Variants in KLF12 observed in about 807,000 individuals in gnomAD.
KLF12 encodes the protein KLF transcription factor 12.
Under a neutral mutation model 37.8 loss-of-function variants are expected in KLF12, and 9 were observed. The observed-to-expected ratio is 0.24, with a 90% CI of 0.14 to 0.42. The LOEUF is 0.42. Ranked by LOEUF, KLF12 falls within the 10% of genes least tolerant of loss-of-function variation. The pLI is 1.00. For missense variants in KLF12, 411 were observed against 516.0 expected (o/e 0.80, Z 1.97); for synonymous variants, 208 against 202.1 (o/e 1.03, Z -0.25).
intron 1 of KLF12, among the ~76,000 whole-genome samples, chr13:74,125,236 A>G (rs1877877285): frequency 6.6e-6 from 1 of 152,140 alleles, no homozygotes; most frequent in African/African-American, 2.4e-5. Flanking sequence ...ATACACATAC[A>G]CACTGTTTAT....
chr13:74,169,987 T>A, the KLF12 span, among the ~76,000 whole-genome samples: 21 of 110,974 alleles, frequency 1.9e-4, no homozygotes, highest in African/African-American at 5.6e-4. Context: ...AATATTGCCA[T>A]TTTTTTTTCT....
intron 3 of KLF12, among the ~76,000 whole-genome samples, chr13:73,870,880 T>G (rs1886429986): frequency 6.6e-6 from 1 of 152,182 alleles, no homozygotes; most frequent in Admixed American, 6.6e-5. Context: ...TTCCTTGGAC[T>G]TTTTTTCTGG....
chr13:73,789,919 G>A (rs1002217574), intron 5 of KLF12, among the ~76,000 whole-genome samples: 6 of 151,914 alleles, frequency 3.9e-5, no homozygotes, highest in Non-Finnish European at 5.9e-5. Flanking sequence ...CTTGTGATCC[G>A]CCCACCTCGG....
chr13:73,719,574 A>G (rs184614359), intron 6 of KLF12, among the ~76,000 whole-genome samples: 3 of 151,640 alleles, frequency 2.0e-5, no homozygotes, highest in Admixed American at 2.0e-4. Flanking sequence ...TGGGCACTCA[A>G]TTCCACACTC....
chr13:74,240,200 T>C, the KLF12 span, among the ~76,000 whole-genome samples: 8 of 151,822 alleles, frequency 5.3e-5, no homozygotes, highest in African/African-American at 1.7e-4. Context: ...CCTTCACTTA[T>C]GAAGCTTAGT....
chr13:73,811,790 T>G (rs963505173), intron 5 of KLF12, among the ~76,000 whole-genome samples: 15 of 152,214 alleles, frequency 9.9e-5, no homozygotes, highest in Non-Finnish European at 2.1e-4. Flanking sequence ...TTTTCTCTGA[T>G]GTATTATATG....
chr13:73,937,978 G>C (rs1288701947), intron 3 of KLF12, among the ~76,000 whole-genome samples: 3 of 151,972 alleles, frequency 2.0e-5, no homozygotes, highest in Admixed American at 6.6e-5. Context: ...TTGAAGCCAG[G>C]TAGTGACATG....
intron 2 of KLF12, among the ~76,000 whole-genome samples, chr13:73,961,446 G>A (rs552875485): frequency 6.6e-6 from 1 of 152,208 alleles, no homozygotes; most frequent in East Asian, 1.9e-4. Context: ...CGAAATTGGA[G>A]ACAAAGATGG....
the KLF12 span, among the ~76,000 whole-genome samples, chr13:74,202,928 C>A: frequency 1.3e-5 from 2 of 151,998 alleles, no homozygotes; most frequent in African/African-American, 4.8e-5. Flanking sequence ...GCAGCAAGAC[C>A]AGCATGTTAA....
intron 4 of KLF12, among the ~76,000 whole-genome samples, chr13:73,830,674 T>G (rs1884101278): frequency 6.6e-6 from 1 of 152,174 alleles, no homozygotes; most frequent in Non-Finnish European, 1.5e-5. Flanking sequence ...TAGTTTCCCC[T>G]TGTGTCTTCC....
chr13:74,051,341 AACACAC>A (rs10678885), intron 1 of KLF12, among the ~76,000 whole-genome samples: 103 of 143,774 alleles, frequency 7.2e-4, no homozygotes, highest in Middle Eastern at 3.6e-3. Context: ...TACACACACA[AACACAC>A]ACACACACAC....
chr13:73,789,605 T>C (rs981054746), intron 5 of KLF12, among the ~76,000 whole-genome samples: 3 of 151,878 alleles, frequency 2.0e-5, no homozygotes, highest in Non-Finnish European at 4.4e-5. Flanking sequence ...TTCCCAAGTG[T>C]AATGGAAATA....
rs546512513 is a variant in KLF12 at position 74,054,108 on chromosome 13, T to C, written c.-31-59055A>G. The stretch of plus-strand genomic sequence containing the variant: ...GTAAATTTTAAATTGCTCCAGAATA[T>C]CTTCAATAGGTATTTCATACTACTC... On this transcript the variant is annotated intron_variant, in intron 1 of 7. Transcript: ENST00000377669. 6.6e-4 allele frequency among the ~76,000 whole-genome samples: 101 copies of C among 152,250 alleles called. 1 individual carries two copies. The South Asian group carries it at 0.02, about 31-fold the overall frequency.
chr13:74,174,514 C>T, the KLF12 span, among the ~76,000 whole-genome samples: 1 of 152,018 alleles, frequency 6.6e-6, no homozygotes, highest in Non-Finnish European at 1.5e-5. Flanking sequence ...GCTGGGATTA[C>T]AGGCGTGAGC....
At chr13:74,271,333 G>T in the KLF12 span, among the ~76,000 whole-genome samples, 2 of 152,300 alleles carry the variant, frequency 1.3e-5, no homozygotes, top group East Asian at 3.9e-4. Flanking sequence ...GGGCAACTAT[G>T]CTTAAGCATT....
chr13:73,903,612 T>C (rs1888134786), intron 3 of KLF12, among the ~76,000 whole-genome samples: 1 of 152,190 alleles, frequency 6.6e-6, no homozygotes, highest in African/African-American at 2.4e-5. Flanking sequence ...ATTGGGTGTG[T>C]GGGAAGGTTC....
chr13:74,118,713 C>G (rs1877453831), intron 1 of KLF12, among the ~76,000 whole-genome samples: 1 of 152,008 alleles, frequency 6.6e-6, no homozygotes, highest in African/African-American at 2.4e-5. Flanking sequence ...TATTATCACC[C>G]CCGCCAAAAC....
chr13:73,943,066 TA>T (rs1243613789), intron 3 of KLF12, among the ~76,000 whole-genome samples: 5 of 152,236 alleles, frequency 3.3e-5, no homozygotes, highest in Admixed American at 3.3e-4. Context: ...TTTTATACTC[TA>T]ACAGTGAGAT....
intron 5 of KLF12, among the ~76,000 whole-genome samples, chr13:73,797,576 C>T (rs1882049850): frequency 6.6e-6 from 1 of 152,026 alleles, no homozygotes; most frequent in African/African-American, 2.4e-5. Context: ...TCGAGACCAG[C>T]CTGGACAACA....
Sources: gnomAD v4.1 joint callset for allele counts (sites outside exome capture counted in the v4.1 genomes callset) on GRCh38, gnomAD v4.1.1 for gene constraint, MANE v1.5 for transcripts, NCBI Gene and HGNC (gene_info 2026-07-23, HGNC 2026-07-21) for gene names.